Variants in ZFAND3 observed in about 807,000 individuals in gnomAD.
ZFAND3 encodes AN1-type zinc finger protein 3.
In ZFAND3, 10 loss-of-function variants were observed where a neutral mutation model predicts 29.6. The observed-to-expected ratio is 0.34, with a 90% CI of 0.21 to 0.57. The LOEUF (loss-of-function observed/expected upper bound fraction) is 0.57, where lower values mean the gene tolerates loss of function less well. Ranked by LOEUF, ZFAND3 falls within the 20% of genes least tolerant of loss-of-function variation. The pLI is 0.86. For synonymous variants in ZFAND3, 128 were observed against 112.6 expected (o/e 1.14, Z -0.87); for missense variants, 230 against 304.5 (o/e 0.76, Z 1.82).
intron 2 of ZFAND3, among the ~76,000 whole-genome samples, chr6:38,039,276 G>A (rs973672266): frequency 5.9e-5 from 9 of 152,308 alleles, no homozygotes; most frequent in Non-Finnish European, 1.3e-4. Flanking sequence ...GAGATGATCT[G>A]AGGGTGTATA....
intron 1 of ZFAND3, among the ~76,000 whole-genome samples, chr6:37,898,452 TTTA>T (rs979790959): frequency 6.6e-6 from 1 of 152,232 alleles, no homozygotes; most frequent in Non-Finnish European, 1.5e-5. Flanking sequence ...CTTCAGGTTT[TTTA>T]TTATTCTTCA....
intron 2 of ZFAND3, among the ~76,000 whole-genome samples, chr6:38,042,313 CTTT>C (rs35136153): frequency 1.3e-4 from 12 of 91,872 alleles, no homozygotes; most frequent in Admixed American, 2.4e-4. Flanking sequence ...CTTGAGCTTG[CTTT>C]TTTTTTTTTT....
intron 1 of ZFAND3, among the ~76,000 whole-genome samples, chr6:37,921,609 A>T (rs1325320405): frequency 3.3e-5 from 5 of 152,116 alleles, no homozygotes; most frequent in African/African-American, 1.2e-4. Flanking sequence ...AGAAATTAGG[A>T]CTGTTACTAG....
chr6:37,924,330 T>A (rs1357257221), intron 1 of ZFAND3, among the ~76,000 whole-genome samples: 4 of 143,540 alleles, frequency 2.8e-5, no homozygotes, highest in South Asian at 2.2e-4. Flanking sequence ...TTTTTTTTTT[T>A]AATGGTTCAG....
chr6:38,154,098 T>G lies in ZFAND3; in HGVS notation c.*1709T>G. The G allele has an allele frequency of 1.0e-6, 1 of 985,574 alleles. No homozygotes were observed. Among genetic ancestry groups the G allele is most frequent in the Non-Finnish European group, 1.2e-6 (1 of 830,000 alleles). 61.1% of individuals were successfully genotyped at this position (985,574 alleles called of 1,614,324 possible). A position where few individuals can be genotyped will look rare whatever the true frequency, so the allele number is the denominator to read the frequency against. On this transcript the variant is annotated 3_prime_UTR_variant, in exon 6 of 6. Transcript: ENST00000287218. ...CAGGACCCAGACCGGTGTCTTGCTC[T>G]AGGGCAACCCAGGGCAGAGGGGCCA...
intron 1 of ZFAND3, among the ~76,000 whole-genome samples, chr6:37,849,251 T>TA (rs1167873699): frequency 2.0e-5 from 3 of 152,162 alleles, no homozygotes; most frequent in Admixed American, 2.0e-4. Context: ...GCTCCCCTTT[T>TA]AGAGTTGCAT....
chr6:38,004,882 G>T (rs915253385), intron 2 of ZFAND3, among the ~76,000 whole-genome samples: 3 of 152,138 alleles, frequency 2.0e-5, no homozygotes. Context: ...AAAGAGAGTG[G>T]CAGTTCTTTT....
intron 2 of ZFAND3, among the ~76,000 whole-genome samples, chr6:38,051,332 G>T (rs1030982940): frequency 1.3e-5 from 2 of 152,194 alleles, no homozygotes; most frequent in African/African-American, 4.8e-5. Context: ...AAAAAGGGGG[G>T]TGCTAACCTG....
chr6:38,011,774 C>T lies in ZFAND3; in HGVS notation c.113-49819C>T, dbSNP rs189804349. Among the ~76,000 whole-genome samples, 13 of 151,946 alleles carry T rather than the reference C, an allele frequency of 8.6e-5. No homozygotes were observed. In the East Asian group the frequency reaches 1.7e-3, roughly 20 times the overall value. On this transcript the variant is annotated intron_variant, in intron 2 of 5. Transcript: ENST00000287218. ...GTCCAGAACTCTATTACACTTAAAA[C>T]GTGATCAAATACTATAAATTATTAT... is the stretch of plus-strand genomic sequence containing the variant.
In ZFAND3 at chr6:37,998,030, G is replaced by A. The variant is rs550659798; in HGVS notation, c.113-63563G>A. 3.9e-5 allele frequency among the ~76,000 whole-genome samples: 6 copies of A among 152,246 alleles called. No homozygotes were observed. In the South Asian group the frequency reaches 1.2e-3, roughly 32 times the overall value. Reference sequence around the variant, plus strand: ...AACCTGCATATGAATGTTTATCATGGCAGCTATATTATGATCTCCAGAAAA... The same window carrying A: ...AACCTGCATATGAATGTTTATCATGACAGCTATATTATGATCTCCAGAAAA... On this transcript the variant is annotated intron_variant, in intron 2 of 5. Coordinates refer to ENST00000287218, the MANE Select transcript of ZFAND3 (RefSeq NM_021943.3).
chr6:37,954,631 G>T (rs888122968), intron 2 of ZFAND3, among the ~76,000 whole-genome samples: 1 of 152,014 alleles, frequency 6.6e-6, no homozygotes, highest in Non-Finnish European at 1.5e-5. Flanking sequence ...GGTTAGTTTT[G>T]ATTGATTTTC....
chr6:37,972,970 A>G (rs933696090), intron 2 of ZFAND3, among the ~76,000 whole-genome samples: 33 of 152,072 alleles, frequency 2.2e-4, no homozygotes, highest in African/African-American at 6.3e-4. Context: ...GTGGTAGTTT[A>G]TTTTGAAAAA....
intron 1 of ZFAND3, among the ~76,000 whole-genome samples, chr6:37,884,832 C>G (rs889849393): frequency 2.6e-5 from 4 of 152,186 alleles, no homozygotes; most frequent in African/African-American, 9.7e-5. Flanking sequence ...ATTTATCATA[C>G]TTCAGTCACT....
intron 2 of ZFAND3, among the ~76,000 whole-genome samples, chr6:37,933,609 A>T (rs2127414004): frequency 6.6e-6 from 1 of 152,344 alleles, no homozygotes; most frequent in Non-Finnish European, 1.5e-5. Context: ...TATATACCAA[A>T]TTATAATGCT....
chr6:37,914,888 G>A (rs1056254488), intron 1 of ZFAND3, among the ~76,000 whole-genome samples: 3 of 142,726 alleles, frequency 2.1e-5, no homozygotes, highest in Admixed American at 1.4e-4. Flanking sequence ...AGCTGCCTTA[G>A]CCTTTAACAA....
chr6:37,873,715 G>A (rs1385267653), intron 1 of ZFAND3, among the ~76,000 whole-genome samples: 2 of 152,204 alleles, frequency 1.3e-5, no homozygotes, highest in Non-Finnish European at 2.9e-5. Flanking sequence ...TTGTAACACA[G>A]TAGTTTTTCT....
At chr6:38,034,055 A>T (rs558439282) in intron 2 of ZFAND3, among the ~76,000 whole-genome samples, 4 of 152,274 alleles carry the variant, frequency 2.6e-5, no homozygotes, top group Admixed American at 6.5e-5. Context: ...CCATTTAGGG[A>T]TCTGAAAAAA....
At chr6:37,928,124 A>G (rs1761523682) in intron 1 of ZFAND3, among the ~76,000 whole-genome samples, 1 of 152,254 alleles carries the variant, frequency 6.6e-6, no homozygotes, top group Non-Finnish European at 1.5e-5. Flanking sequence ...TTCTAAAGGA[A>G]TATCTACTTG....
chr6:37,893,729 T>A (rs1485151294), intron 1 of ZFAND3, among the ~76,000 whole-genome samples: 2 of 152,102 alleles, frequency 1.3e-5, no homozygotes, highest in African/African-American at 4.8e-5. Flanking sequence ...GATTTTTGTA[T>A]TTTTAGTAGA....
Sources: gnomAD v4.1 joint callset for allele counts (sites outside exome capture counted in the v4.1 genomes callset) on GRCh38, gnomAD v4.1.1 for gene constraint, MANE v1.5 for transcripts, NCBI Gene and HGNC (gene_info 2026-07-23, HGNC 2026-07-21) for gene names.